Variants in RBPJ observed in about 807,000 individuals in gnomAD.
RBPJ encodes the protein recombining binding protein suppressor of hairless.
Under a neutral mutation model 67.8 loss-of-function variants are expected in RBPJ, and 9 were observed. The observed-to-expected ratio is 0.13, with a 90% CI of 0.08 to 0.23. RBPJ has a LOEUF of 0.23. Among genes scored for constraint, RBPJ ranks in the 10% least tolerant of loss-of-function variants. RBPJ has a pLI of 1.00. For missense variants in RBPJ, 305 were observed against 595.6 expected (o/e 0.51, Z 5.08); for synonymous variants, 198 against 203.3 (o/e 0.97, Z 0.22).
intron 1 of RBPJ, among the ~76,000 whole-genome samples, chr4:26,274,694 G>A (rs1486035342): frequency 3.3e-5 from 5 of 151,934 alleles, no homozygotes; most frequent in Non-Finnish European, 7.4e-5. Flanking sequence ...CCAGCTCTTC[G>A]GGAGGCTGAG....
chr4:26,151,272 C>T, the RBPJ span, among the ~76,000 whole-genome samples: 2 of 152,100 alleles, frequency 1.3e-5, no homozygotes, highest in African/African-American at 4.8e-5. Context: ...ATTAGTCAGC[C>T]ATGACTAATG....
upstream of RBPJ, chr4:26,163,366 C>T (rs1284927933): frequency 6.8e-6 from 1 of 146,852 alleles, no homozygotes; most frequent in Non-Finnish European, 1.5e-5. Context: ...CAAAGCACAT[C>T]CAAATCCTCT....
intron 2 of RBPJ, among the ~76,000 whole-genome samples, chr4:26,400,489 G>C: frequency 7.0e-6 from 1 of 142,900 alleles, no homozygotes; most frequent in Non-Finnish European, 1.6e-5. Context: ...AAAGCATATG[G>C]GCTATTATTT....
In RBPJ at chr4:26,423,462, A is replaced by G. The variant is rs187752846; in HGVS notation, c.497-880A>G. Among the ~76,000 whole-genome samples the G allele has an allele frequency of 2.8e-3, 431 of 152,328 alleles. 5 individuals carry two copies. Among genetic ancestry groups the G allele is most frequent in the Non-Finnish European group, 1.6e-3 (112 of 68,022 alleles). On this transcript the variant is annotated intron_variant, in intron 5 of 10. Transcript: ENST00000355476. Reference sequence around the variant, plus strand: ...TGCTCAGAGCAGCCTGCTTAAAAGTATGGTCAAGGAGAGAATCTTTAGTGT... The same window carrying G: ...TGCTCAGAGCAGCCTGCTTAAAAGTGTGGTCAAGGAGAGAATCTTTAGTGT...
intron 1 of RBPJ, among the ~76,000 whole-genome samples, chr4:26,325,266 C>T (rs901573911): frequency 1.3e-5 from 2 of 152,220 alleles, no homozygotes; most frequent in African/African-American, 4.8e-5. Flanking sequence ...TTTACTATGA[C>T]GTACTGACAG....
chr4:26,189,515 G>A (rs930283852), intron 1 of RBPJ, among the ~76,000 whole-genome samples: 5 of 152,022 alleles, frequency 3.3e-5, no homozygotes, highest in Non-Finnish European at 4.4e-5. Flanking sequence ...AAAATTAGCC[G>A]GATGTGGTGG....
At chr4:26,325,804 G>A (rs1207921936) in intron 1 of RBPJ, among the ~76,000 whole-genome samples, 2 of 152,102 alleles carry the variant, frequency 1.3e-5, no homozygotes, top group Non-Finnish European at 2.9e-5. Context: ...ATGCGTTCTT[G>A]TGTATGAAAA....
At chr4:26,163,117 A>G (rs1007392477), upstream of RBPJ, among the ~76,000 whole-genome samples, 2 of 151,150 alleles carry the variant, frequency 1.3e-5, no homozygotes, top group Admixed American at 6.5e-5. Flanking sequence ...GGTATTAAGT[A>G]TTTTAACTCA....
At chr4:26,298,402 T>C (rs1360739625) in intron 1 of RBPJ, among the ~76,000 whole-genome samples, 2 of 152,150 alleles carry the variant, frequency 1.3e-5, no homozygotes, top group Non-Finnish European at 2.9e-5. Context: ...CCAGAAACTA[T>C]TGTAATATTT....
chr4:26,109,980 G>A, the RBPJ span, among the ~76,000 whole-genome samples: 4 of 151,606 alleles, frequency 2.6e-5, no homozygotes, highest in African/African-American at 4.9e-5. Flanking sequence ...AGCTTTCTCC[G>A]TCATTCTTAG....
chr4:26,194,736 C>T (rs1717690633), intron 1 of RBPJ, among the ~76,000 whole-genome samples: 1 of 152,236 alleles, frequency 6.6e-6, no homozygotes, highest in Non-Finnish European at 1.5e-5. Context: ...CCATGAGCTT[C>T]CCAGAGGAAG....
At chr4:26,186,183 C>A (rs930860944) in intron 1 of RBPJ, among the ~76,000 whole-genome samples, 9 of 145,164 alleles carry the variant, frequency 6.2e-5, no homozygotes, top group East Asian at 5.9e-4. Context: ...TCTGCTCCCC[C>A]CTTTTTTTTA....
chr4:26,185,516 T>C (rs913195811), intron 1 of RBPJ, among the ~76,000 whole-genome samples: 1 of 152,118 alleles, frequency 6.6e-6, no homozygotes, highest in Non-Finnish European at 1.5e-5. Context: ...GAAAAATAAT[T>C]TTGGGGATGG....
intron 2 of RBPJ, among the ~76,000 whole-genome samples, chr4:26,390,259 A>G (rs1468496687): frequency 6.6e-6 from 1 of 152,222 alleles, no homozygotes; most frequent in East Asian, 1.9e-4. Flanking sequence ...GAATTTCCTC[A>G]TCATAGGGTG....
the RBPJ span, among the ~76,000 whole-genome samples, chr4:26,115,729 G>T: frequency 3.9e-5 from 6 of 152,218 alleles, no homozygotes; most frequent in South Asian, 1.2e-3. Flanking sequence ...ACTGTTTGCT[G>T]GCACATGTGA....
At chr4:26,282,243 GA>G (rs1466045243) in intron 1 of RBPJ, among the ~76,000 whole-genome samples, 114 of 137,134 alleles carry the variant, frequency 8.3e-4, no homozygotes, top group African/African-American at 3.0e-3. Context: ...ATAAATCCTT[GA>G]AAAAAAAATG....
chr4:26,202,962 G>GAAGGAAAT (rs1718034918), intron 1 of RBPJ, among the ~76,000 whole-genome samples: 1 of 95,422 alleles, frequency 1.0e-5, no homozygotes, highest in Middle Eastern at 4.2e-3. Context: ...AGAAAGGAAG[G>GAAGGAAAT]AAGGAAATAA....
At chr4:26,172,056 C>T (rs1179219483) in intron 1 of RBPJ, among the ~76,000 whole-genome samples, 1 of 152,208 alleles carries the variant, frequency 6.6e-6, no homozygotes, top group Non-Finnish European at 1.5e-5. Context: ...CGGAGGGCAG[C>T]GAAGGCTGGA....
intron 1 of RBPJ, among the ~76,000 whole-genome samples, chr4:26,249,182 T>G (rs113769044): frequency 0.014 from 2,199 of 152,298 alleles, 46 homozygotes; most frequent in African/African-American, 0.05. Flanking sequence ...CCAAAACAGA[T>G]GACTTTTTTA....
Sources: allele counts gnomAD v4.1 joint callset (sites outside exome capture counted in the v4.1 genomes callset), GRCh38; gene constraint gnomAD v4.1.1; transcripts MANE v1.5; gene names NCBI Gene and HGNC (gene_info 2026-07-23, HGNC 2026-07-21).